ITGA2: variants seen among roughly 807,000 people sequenced by gnomAD.
ITGA2 encodes the protein integrin alpha-2.
In ITGA2, 101 loss-of-function variants were observed where a neutral mutation model predicts 146.3. The ratio of observed to expected loss-of-function variants is 0.69; its 90% CI spans 0.59 to 0.81. The LOEUF is 0.81. ITGA2 is among the 40% of genes least tolerant of loss of function. The pLI, the probability that ITGA2 is intolerant of heterozygous loss-of-function variation, is 0.00. For missense variants in ITGA2, 1,281 were observed against 1,402.7 expected, an observed-to-expected ratio of 0.91 and a Z score of 1.39; for synonymous variants, 477 against 487.1, an observed-to-expected ratio of 0.98 and a Z score of 0.27.
At chr5:53,042,624 T>C (rs1175975842) in intron 3 of ITGA2, among the ~76,000 whole-genome samples, 1 of 152,182 alleles carries the variant, frequency 6.6e-6, no homozygotes, top group Non-Finnish European at 1.5e-5. Context: ...AAACACTCTG[T>C]GTTTCTTGTT....
rs945840982 is a variant in ITGA2 at position 53,094,211 on chromosome 5, A to G, written c.*3612A>G. 1.6e-5 allele frequency: 1 copy of G among 63,532 alleles called. No homozygotes were observed. The highest frequency in any genetic ancestry group is 3.6e-5 in the Non-Finnish European group (1 of 28,064). The allele number at this position is 63,532 out of a possible 1,614,324, so 3.9% of individuals were successfully genotyped here. A position where few individuals can be genotyped will look rare whatever the true frequency, so the allele number is the denominator to read the frequency against. ...CACATAAAACAATGCCCTTTTGTGT[A>G]CATTCAGGCATACCCATTTTAATCA... is the stretch of plus-strand genomic sequence containing the variant. On this transcript the variant is annotated 3_prime_UTR_variant, in exon 30 of 30. Coordinates refer to ENST00000296585, the MANE Select transcript of ITGA2 (RefSeq NM_002203.4).
chr5:53,071,139 C>T lies in ITGA2; in HGVS notation c.2236-799C>T, dbSNP rs142286149. ...AAACACTAGAAAAACATAAAGTTGA[C>T]GGTTAGATGAATTAAAATCAGTTGA... On this transcript the variant is annotated intron_variant, in intron 17 of 29. Coordinates refer to ENST00000296585, the MANE Select transcript of ITGA2 (RefSeq NM_002203.4). Among the ~76,000 whole-genome samples the T allele has an allele frequency of 1.9e-3, 293 of 151,866 alleles. 1 individual carries two copies. Among genetic ancestry groups the T allele is most frequent in the African/African-American group, 6.4e-3 (265 of 41,474 alleles).
At chr5:53,047,623 ACT>A (rs1320213605) in intron 4 of ITGA2, among the ~76,000 whole-genome samples, 2 of 152,074 alleles carry the variant, frequency 1.3e-5, no homozygotes, top group African/African-American at 2.4e-5. Flanking sequence ...TGCCCTCTCG[ACT>A]CTCTTTTACA....
chr5:53,090,487 G>C, intron 29 of ITGA2, 32 bp from the exon 30 acceptor site: 1 of 1,598,102 alleles, frequency 6.3e-7, no homozygotes, highest in Non-Finnish European at 8.6e-7. Context: ...TAAGCCACGG[G>C]TGGTAACATT....
At chr5:52,998,930 T>A (rs1023752447) in intron 1 of ITGA2, among the ~76,000 whole-genome samples, 1 of 152,234 alleles carries the variant, frequency 6.6e-6, no homozygotes, top group Non-Finnish European at 1.5e-5. Flanking sequence ...ATTCTATTTG[T>A]AAGTGTATCT....
chr5:53,078,157 C>A (rs1451147966), intron 23 of ITGA2, among the ~76,000 whole-genome samples: 2 of 152,036 alleles, frequency 1.3e-5, no homozygotes, highest in African/African-American at 4.8e-5. Flanking sequence ...GGCTTTAGGT[C>A]CAGAATACTA....
rs535171255 is a variant in ITGA2, at chr5:53,093,967, A to T, written c.*3368A>T. On this transcript the variant is annotated 3_prime_UTR_variant, in exon 30 of 30. Coordinates refer to ENST00000296585, the MANE Select transcript of ITGA2 (RefSeq NM_002203.4). The stretch of plus-strand genomic sequence containing the variant: ...TATTCTTGTAAAATAGTTACCTATT[A>T]AAACTGTGAAGAGTAAAACTAAAGC... 8.3e-4 allele frequency: 76 copies of T among 91,978 alleles called. 1 individual carries two copies. The highest frequency in any genetic ancestry group is 3.3e-3 in the African/African-American group (74 of 22,210). The allele number at this position is 91,978 out of a possible 1,614,324, so 5.7% of individuals were successfully genotyped here. A position where few individuals can be genotyped will look rare whatever the true frequency, so the allele number is the denominator to read the frequency against.
chr5:53,029,508 A>T (rs935945256), intron 2 of ITGA2, among the ~76,000 whole-genome samples: 1 of 152,146 alleles, frequency 6.6e-6, no homozygotes, highest in African/African-American at 2.4e-5. Flanking sequence ...ATCATCACTC[A>T]AATGGTTTTC....
chr5:53,077,491 A>G (rs1209862682), intron 23 of ITGA2, among the ~76,000 whole-genome samples: 2 of 152,098 alleles, frequency 1.3e-5, no homozygotes, highest in Non-Finnish European at 1.5e-5. Context: ...CTTAAGTAAC[A>G]AATGGAAAAG....
At chr5:53,018,354 C>T (rs1017009273) in intron 1 of ITGA2, among the ~76,000 whole-genome samples, 2 of 152,098 alleles carry the variant, frequency 1.3e-5, no homozygotes, top group Non-Finnish European at 2.9e-5. Context: ...CCGTGGGGGT[C>T]GTGAGTTCCG....
At chr5:53,089,726 C>T (rs756465316) in intron 28 of ITGA2, among the ~76,000 whole-genome samples, 19 of 152,168 alleles carry the variant, frequency 1.2e-4, no homozygotes, top group Admixed American at 5.2e-4. Flanking sequence ...GTAGTTAAAG[C>T]GGAGAAACTA....
intron 2 of ITGA2, among the ~76,000 whole-genome samples, chr5:53,035,767 C>T (rs1474691108): frequency 6.6e-6 from 1 of 151,992 alleles, no homozygotes; most frequent in African/African-American, 2.4e-5. Context: ...TTGTCCGTGG[C>T]CTGGAACTAA....
rs764062762 is a variant in ITGA2, at chr5:53,081,652, T to C, written c.3100T>C (p.Ser1034Pro). 7.4e-6 allele frequency: 12 copies of C among 1,613,220 alleles called. No individual in the cohort carries two copies. The Admixed American group carries it at 1.8e-4, about 25-fold the overall frequency. Residue 1034 changes from serine (S) to proline (P), a missense_variant, in exon 26 of 30, where the codon TCT (serine) becomes CCT (proline). By Grantham distance (74) the Ser-to-Pro change is moderately conservative. Coordinates refer to ENST00000296585, the MANE Select transcript of ITGA2 (RefSeq NM_002203.4). ...NPLKIGQTSS[S>P]VSFKSENFRH... ...ACTGAAAATAGGACAAACATCTTCT[T>C]CTGTATCTTTCAAAAGTGAAAATTT...
At position 53,071,994 on chromosome 5, in the gene ITGA2, C is replaced by T; in HGVS notation, c.2292C>T (p.Asn764=). The change falls in exon 18 of 30, where the codon AAC becomes AAT. Residue 764 remains asparagine (N), a synonymous_variant. Coordinates refer to ENST00000296585, the MANE Select transcript of ITGA2 (RefSeq NM_002203.4). Reference sequence around the variant, plus strand: ...TGCGTGTGGACATCAGTCTGGAAAACCCTGGCACTAGCCCTGCCCTTGAAG... The same window carrying T: ...TGCGTGTGGACATCAGTCTGGAAAATCCTGGCACTAGCCCTGCCCTTGAAG... ...LDLRVDISLE[N]PGTSPALEAY... is the part of the protein sequence containing the mutation. 6.2e-7 allele frequency: 1 copy of T among 1,612,398 alleles called. No individual in the cohort carries two copies. The highest frequency in any genetic ancestry group is 1.1e-5 in the South Asian group (1 of 91,058).
At chr5:53,079,000 G>A (rs954379532) in intron 24 of ITGA2, 126 bp downstream of exon 24, 9 of 691,582 alleles carry the variant, frequency 1.3e-5, no homozygotes, top group Non-Finnish European at 2.1e-5. Flanking sequence ...ACTTGGGTGT[G>A]CATTACAATC....
chr5:53,059,736 A>G lies in ITGA2; in HGVS notation c.1174-138A>G, dbSNP rs3212536. The G allele has an allele frequency of 0.093, 80,891 of 867,580 alleles. 4,329 individuals are homozygous for G. Among genetic ancestry groups the G allele is most frequent in the African/African-American group, 0.19 (11,161 of 59,544 alleles). 53.7% of individuals were successfully genotyped at this position (867,580 alleles called of 1,614,324 possible). The stretch of plus-strand genomic sequence containing the variant: ...CACAAATATATTAAGACAATTCTAC[A>G]ATATGTCAATATATGTTCATATATA... On this transcript the variant is annotated intron_variant, in intron 10 of 29. Coordinates refer to ENST00000296585, the MANE Select transcript of ITGA2 (RefSeq NM_002203.4).
intron 23 of ITGA2, among the ~76,000 whole-genome samples, chr5:53,078,346 A>G (rs944322240): frequency 3.9e-5 from 6 of 152,108 alleles, no homozygotes; most frequent in African/African-American, 1.4e-4. Context: ...CTATTATTAT[A>G]TTTTAGCCAC....
chr5:53,011,303 T>C (rs1742113489), intron 1 of ITGA2, among the ~76,000 whole-genome samples: 1 of 152,174 alleles, frequency 6.6e-6, no homozygotes. Context: ...TTTTCTTCCT[T>C]AACTTTCCCA....
Position 53,073,547 on chromosome 5 carries a change from C to G in ITGA2, c.2571+288C>G, listed in dbSNP as rs377349718. ...ATCAGTGTGATGAGGCTGCTGCATT[C>G]TGCACAGATGTGGTGCACTTGCTCT... On this transcript the variant is annotated intron_variant, in intron 20 of 29. Coordinates refer to ENST00000296585, the MANE Select transcript of ITGA2 (RefSeq NM_002203.4). 1.6e-4 allele frequency among the ~76,000 whole-genome samples: 24 copies of G among 152,026 alleles called. No homozygotes were observed. In the East Asian group the frequency reaches 3.5e-3, roughly 22 times the overall value.
Sources: allele counts gnomAD v4.1 joint callset (sites outside exome capture counted in the v4.1 genomes callset), GRCh38; gene constraint gnomAD v4.1.1; transcripts MANE v1.5; gene names NCBI Gene and HGNC (gene_info 2026-07-23, HGNC 2026-07-21).